Variants in STAU2 observed in about 807,000 individuals in gnomAD.
The protein encoded by STAU2 is double-stranded RNA-binding protein Staufen homolog 2.
STAU2 carries 20 observed loss-of-function variants against 65.9 expected under a neutral mutation model. The observed-to-expected ratio is 0.30, with a 90% CI of 0.21 to 0.44. The LOEUF is 0.44. STAU2 is among the 20% of genes least tolerant of loss of function. The probability of loss-of-function intolerance (pLI) is 1.00; values close to 1 mark genes in which losing one functional copy is unlikely to be tolerated. For synonymous variants in STAU2, 232 were observed against 233.9 expected (o/e 0.99, Z 0.07); for missense variants, 558 against 683.9 (o/e 0.82, Z 2.05).
intron 13 of STAU2, among the ~76,000 whole-genome samples, chr8:73,486,167 C>A (rs867260351): frequency 3.2e-4 from 49 of 152,092 alleles, no homozygotes; most frequent in Middle Eastern, 3.4e-3. Context: ...GTGTGAACTC[C>A]GTGAACACAA....
chr8:73,665,796 C>CTG (rs1402812338), intron 6 of STAU2, among the ~76,000 whole-genome samples: 1 of 152,104 alleles, frequency 6.6e-6, no homozygotes, highest in African/African-American at 2.4e-5. Context: ...AAATCCATGG[C>CTG]TGCTCAAGCC....
intron 6 of STAU2, among the ~76,000 whole-genome samples, chr8:73,647,609 C>T (rs552947670): frequency 6.0e-5 from 9 of 149,730 alleles, no homozygotes; most frequent in South Asian, 2.1e-4. Flanking sequence ...GAGACAGTCT[C>T]ACTCTGTTGC....
intron 1 of STAU2, among the ~76,000 whole-genome samples, chr8:73,741,032 G>A (rs1164185455): frequency 2.1e-5 from 3 of 143,204 alleles, no homozygotes; most frequent in Non-Finnish European, 4.5e-5. Context: ...AAGGCCAGGC[G>A]CAGTGGCTCA....
At chr8:73,686,858 C>G (rs570623671) in intron 5 of STAU2, among the ~76,000 whole-genome samples, 1 of 149,676 alleles carries the variant, frequency 6.7e-6, no homozygotes, top group Non-Finnish European at 1.5e-5. Context: ...ATTTTACATG[C>G]AGGTGGTTTG....
intron 11 of STAU2, among the ~76,000 whole-genome samples, chr8:73,583,505 C>G (rs535280296): frequency 1.4e-4 from 21 of 151,870 alleles, no homozygotes; most frequent in Non-Finnish European, 2.6e-4. Context: ...CTTAAGTGAC[C>G]AAAAGAGCTT....
At chr8:73,618,701 G>A (rs1813015267) in intron 6 of STAU2, among the ~76,000 whole-genome samples, 1 of 152,196 alleles carries the variant, frequency 6.6e-6, no homozygotes, top group South Asian at 2.1e-4. Flanking sequence ...GAACAATGCT[G>A]GAAGCAAGGA....
At chr8:73,567,511 TA>T (rs920259547) in intron 12 of STAU2, among the ~76,000 whole-genome samples, 3 of 149,704 alleles carry the variant, frequency 2.0e-5, no homozygotes, top group African/African-American at 2.4e-5. Flanking sequence ...AAAAAACGAT[TA>T]AAAAAATTGA....
At chr8:73,545,323 G>C (rs1806825891) in intron 13 of STAU2, among the ~76,000 whole-genome samples, 1 of 151,922 alleles carries the variant, frequency 6.6e-6, no homozygotes, top group Admixed American at 6.6e-5. Context: ...TTACAGGTGT[G>C]AGCCACCTCA....
At chr8:73,487,072 C>A (rs1466778712) in intron 13 of STAU2, among the ~76,000 whole-genome samples, 1 of 152,068 alleles carries the variant, frequency 6.6e-6, no homozygotes, top group Non-Finnish European at 1.5e-5. Context: ...CCATTGAACT[C>A]TTGAGACGTC....
chr8:73,502,225 A>G (rs1821800193), intron 13 of STAU2, among the ~76,000 whole-genome samples: 1 of 151,882 alleles, frequency 6.6e-6, no homozygotes, highest in Admixed American at 6.6e-5. Flanking sequence ...TTACCAATAG[A>G]GCATTATTAT....
At chr8:73,744,156 G>C (rs1807111223) in intron 1 of STAU2, among the ~76,000 whole-genome samples, 2 of 151,932 alleles carry the variant, frequency 1.3e-5, no homozygotes, top group African/African-American at 4.8e-5. Flanking sequence ...TCAAGGGCTT[G>C]ACCTCTAGGA....
At chr8:73,575,322 A>G (rs1206811353) in intron 12 of STAU2, among the ~76,000 whole-genome samples, 1 of 152,212 alleles carries the variant, frequency 6.6e-6, no homozygotes, top group East Asian at 1.9e-4. Flanking sequence ...ATTGGCAAAG[A>G]TTCAAAACTT....
chr8:73,512,912 A>G (rs1406357173), intron 13 of STAU2, among the ~76,000 whole-genome samples: 1 of 152,022 alleles, frequency 6.6e-6, no homozygotes, highest in East Asian at 1.9e-4. Flanking sequence ...TATTTGTTGA[A>G]CCATTGTTGT....
intron 6 of STAU2, among the ~76,000 whole-genome samples, chr8:73,658,403 C>A (rs1425294434): frequency 6.6e-6 from 1 of 151,994 alleles, no homozygotes; most frequent in Non-Finnish European, 1.5e-5. Context: ...AAGTTCACCA[C>A]CATTTATCAC....
At chr8:73,567,544 GTCTC>G (rs901306161) in intron 12 of STAU2, among the ~76,000 whole-genome samples, 1 of 151,106 alleles carries the variant, frequency 6.6e-6, no homozygotes, top group African/African-American at 2.4e-5. Flanking sequence ...AATAATATTT[GTCTC>G]TCTCTCTTTT....
chr8:73,426,158 T>C lies in STAU2; in HGVS notation c.1531-3456A>G, dbSNP rs1816810377. ...TAGCCTGGATCATGTCTTAACACTG[T>C]AGGTAACCTGCTTTTTTTTTTTTCA... On this transcript the variant is annotated intron_variant, in intron 13 of 14. Coordinates refer to ENST00000524300, the MANE Select transcript of STAU2 (RefSeq NM_001164380.2). Among the ~76,000 whole-genome samples, 5 of 145,622 alleles carry C rather than the reference T, an allele frequency of 3.4e-5. No individual in the cohort carries two copies. The Admixed American group carries it at 3.4e-4, about 10-fold the overall frequency.
At chr8:73,427,939 A>G (rs1379328448) in intron 13 of STAU2, among the ~76,000 whole-genome samples, 2 of 152,240 alleles carry the variant, frequency 1.3e-5, no homozygotes, top group Non-Finnish European at 2.9e-5. Context: ...ATTTTTTGTA[A>G]CATAATGATA....
At chr8:73,676,380 G>C (rs1373150578) in intron 5 of STAU2, among the ~76,000 whole-genome samples, 2 of 152,150 alleles carry the variant, frequency 1.3e-5, no homozygotes, top group African/African-American at 4.8e-5. Flanking sequence ...GAAAAATATT[G>C]AACTCTACCT....
At chr8:73,512,312 T>C (rs1822450874) in intron 13 of STAU2, among the ~76,000 whole-genome samples, 1 of 152,216 alleles carries the variant, frequency 6.6e-6, no homozygotes, top group African/African-American at 2.4e-5. Context: ...TGACAGGGAT[T>C]GTATTAAATC....
Sources: allele counts gnomAD v4.1 joint callset (sites outside exome capture counted in the v4.1 genomes callset), GRCh38; gene constraint gnomAD v4.1.1; transcripts MANE v1.5; gene names NCBI Gene and HGNC (gene_info 2026-07-23, HGNC 2026-07-21).